Variants in TESK2 observed in about 807,000 individuals in gnomAD.
TESK2 encodes the protein testis associated actin remodelling kinase 2.
A neutral mutation model predicts 57.1 loss-of-function variants in TESK2; 39 were observed. The observed-to-expected ratio is 0.68, with a 90% CI of 0.53 to 0.89. The LOEUF is 0.89. TESK2 is among the 40% of genes least tolerant of loss of function. The probability of loss-of-function intolerance (pLI) is 0.00; values close to 1 mark genes in which losing one functional copy is unlikely to be tolerated. For missense variants in TESK2, 646 were observed against 732.1 expected (o/e 0.88, Z 1.36); for synonymous variants, 249 against 267.9 (o/e 0.93, Z 0.69).
At chr1:45,437,898 T>C (rs1244570269) in intron 2 of TESK2, among the ~76,000 whole-genome samples, 2 of 152,202 alleles carry the variant, frequency 1.3e-5, no homozygotes, top group Non-Finnish European at 2.9e-5. Context: ...CACATAAGTG[T>C]TGCTCATAGA....
intron 4 of TESK2, among the ~76,000 whole-genome samples, chr1:45,376,743 G>A (rs1431461980): frequency 1.3e-5 from 2 of 152,070 alleles, no homozygotes; most frequent in Admixed American, 6.5e-5. Context: ...TCCTAGTACT[G>A]GAAGGGACAC....
intron 2 of TESK2, among the ~76,000 whole-genome samples, chr1:45,430,586 C>T (rs1650908307): frequency 6.6e-6 from 1 of 152,172 alleles, no homozygotes; most frequent in Non-Finnish European, 1.5e-5. Flanking sequence ...ATCTCTTTGC[C>T]TTTTGGGATA....
chr1:45,489,793 A>G (rs567581194), intron 1 of TESK2, among the ~76,000 whole-genome samples: 1 of 152,358 alleles, frequency 6.6e-6, no homozygotes, highest in Non-Finnish European at 1.5e-5. Flanking sequence ...CCGTCAAAAA[A>G]AACAAAAACT....
chr1:45,402,606 C>T (rs1649674250), intron 3 of TESK2, among the ~76,000 whole-genome samples: 1 of 151,648 alleles, frequency 6.6e-6, no homozygotes, highest in African/African-American at 2.4e-5. Context: ...CCTCAGCCTC[C>T]CAAGTAGCTG....
intron 3 of TESK2, among the ~76,000 whole-genome samples, chr1:45,410,241 C>T (rs1353365912): frequency 5.3e-5 from 8 of 152,060 alleles, no homozygotes; most frequent in Admixed American, 5.2e-4. Flanking sequence ...TAGTTACCCA[C>T]CAGGATTACA....
At chr1:45,413,256 A>T (rs1650105426) in intron 3 of TESK2, among the ~76,000 whole-genome samples, 3 of 152,192 alleles carry the variant, frequency 2.0e-5, no homozygotes, top group South Asian at 4.1e-4. Flanking sequence ...GTATAAACAG[A>T]ATACACACAC....
chr1:45,372,423 C>CA (rs1648226611), intron 4 of TESK2, among the ~76,000 whole-genome samples: 1 of 151,674 alleles, frequency 6.6e-6, no homozygotes, highest in African/African-American at 2.4e-5. Flanking sequence ...ACTAAAAATA[C>CA]AAAAAATTAG....
At chr1:45,435,414 C>A (rs558473390) in intron 2 of TESK2, among the ~76,000 whole-genome samples, 43 of 151,554 alleles carry the variant, frequency 2.8e-4, no homozygotes, top group African/African-American at 9.7e-4. Context: ...CAGGCATGGG[C>A]TACTGCACCC....
At chr1:45,464,479 G>A (rs1342527046) in intron 1 of TESK2, among the ~76,000 whole-genome samples, 3 of 151,126 alleles carry the variant, frequency 2.0e-5, no homozygotes, top group East Asian at 3.9e-4. Context: ...CACTTATTTG[G>A]TTAAGATTGT....
Position 45,414,727 on chromosome 1 carries a change from T to C in TESK2, c.344+6998A>G, listed in dbSNP as rs116011329. 1.0e-3 allele frequency among the ~76,000 whole-genome samples: 154 copies of C among 152,324 alleles called. 1 individual carries two copies. The highest frequency in any genetic ancestry group is 3.7e-3 in the African/African-American group (152 of 41,580). ...CAGCATTATCAAATACAGTAGGCAC[T>C]AGCTTCATGTGGCAATTTAAATTTA... On this transcript the variant is annotated intron_variant, in intron 3 of 10. Transcript: ENST00000372086.
At chr1:45,475,506 G>A (rs958967023) in intron 1 of TESK2, among the ~76,000 whole-genome samples, 2 of 151,990 alleles carry the variant, frequency 1.3e-5, no homozygotes, top group African/African-American at 2.4e-5. Flanking sequence ...CACCACACCC[G>A]GCCAAGAGAA....
At chr1:45,434,123 A>G (rs4660855) in intron 2 of TESK2, among the ~76,000 whole-genome samples, 38,307 of 151,468 alleles carry the variant, frequency 0.25, 4,954 homozygotes, top group East Asian at 0.36. Context: ...CCTCCTGAAT[A>G]GCTGGGACTA....
At chr1:45,416,282 TC>T (rs1650239327) in intron 3 of TESK2, among the ~76,000 whole-genome samples, 1 of 151,030 alleles carries the variant, frequency 6.6e-6, no homozygotes. Context: ...AACAAGGTTT[TC>T]TCTACAAAAA....
intron 2 of TESK2, among the ~76,000 whole-genome samples, chr1:45,422,264 C>T (rs1468720072): frequency 6.6e-6 from 1 of 152,106 alleles, no homozygotes; most frequent in African/African-American, 2.4e-5. Flanking sequence ...CAACACGCAC[C>T]AGGGCCTGTT....
intron 3 of TESK2, among the ~76,000 whole-genome samples, chr1:45,417,782 G>A (rs1472604840): frequency 2.0e-5 from 3 of 151,924 alleles, no homozygotes; most frequent in Admixed American, 6.6e-5. Flanking sequence ...TAGTAGAGAC[G>A]GGGTTTCACA....
At chr1:45,421,310 G>C (rs1650465654) in intron 3 of TESK2, among the ~76,000 whole-genome samples, 1 of 152,116 alleles carries the variant, frequency 6.6e-6, no homozygotes, top group South Asian at 2.1e-4. Context: ...AGTGCTAAAA[G>C]TTAAGGATAG....
intron 3 of TESK2, among the ~76,000 whole-genome samples, chr1:45,413,115 C>T (rs527562122): frequency 3.3e-5 from 5 of 152,264 alleles, no homozygotes; most frequent in Non-Finnish European, 7.4e-5. Context: ...GACTTCCTGG[C>T]GTAAACAACC....
intron 2 of TESK2, among the ~76,000 whole-genome samples, chr1:45,432,391 T>C (rs557258744): frequency 4.3e-4 from 65 of 151,642 alleles, no homozygotes; most frequent in Admixed American, 2.5e-3. Flanking sequence ...TCTACCTACT[T>C]AGAAATATAC....
At chr1:45,475,332 A>G (rs1233975962) in intron 1 of TESK2, among the ~76,000 whole-genome samples, 2 of 149,536 alleles carry the variant, frequency 1.3e-5, no homozygotes, top group Admixed American at 1.4e-4. Flanking sequence ...TCAGCCTCCC[A>G]AGTAGCTGGG....
Sources: gnomAD v4.1 joint callset for allele counts (sites outside exome capture counted in the v4.1 genomes callset) on GRCh38, gnomAD v4.1.1 for gene constraint, MANE v1.5 for transcripts, NCBI Gene and HGNC (gene_info 2026-07-23, HGNC 2026-07-21) for gene names.